Variants in DOCK2 observed in about 807,000 individuals in gnomAD.
DOCK2 encodes dedicator of cytokinesis protein 2.
A neutral mutation model predicts 248.9 loss-of-function variants in DOCK2; 87 were observed. The ratio of observed to expected loss-of-function variants is 0.35; its 90% CI spans 0.29 to 0.42. DOCK2 has a LOEUF of 0.42. DOCK2 is among the 10% of genes least tolerant of loss of function. DOCK2 has a pLI of 1.00. For synonymous variants in DOCK2, 805 were observed against 821.6 expected (o/e 0.98, Z 0.35); for missense variants, 1,747 against 2,300.2 (o/e 0.76, Z 4.92).
At chr5:169,995,942 C>A in intron 29 of DOCK2, 144 bp from the exon 30 acceptor site, 1 of 711,430 alleles carries the variant, frequency 1.4e-6, no homozygotes, top group Non-Finnish European at 2.3e-6. Context: ...AGTTGTTAAT[C>A]TGCATTAGCT....
chr5:169,756,994 C>T (rs1006665898), intron 23 of DOCK2, among the ~76,000 whole-genome samples: 12 of 151,652 alleles, frequency 7.9e-5, no homozygotes, highest in Admixed American at 4.6e-4. Flanking sequence ...TATATGGTAT[C>T]CCTTTAGACT....
At chr5:170,020,234 T>G (rs1273950374) in intron 33 of DOCK2, among the ~76,000 whole-genome samples, 2 of 152,186 alleles carry the variant, frequency 1.3e-5, no homozygotes, top group Middle Eastern at 3.2e-3. Flanking sequence ...TTCGGGCATT[T>G]TTTTTCTTTC....
chr5:169,699,469 A>G lies in DOCK2; in HGVS notation c.1132+11A>G, dbSNP rs751017695. On this transcript the variant is annotated intron_variant, in intron 12 of 51. Transcript: ENST00000520908. ...ACAGTGGAGGGCAAGGTAAAGTGCC[A>G]ATATGCCAGTGGGCTGAGCCTGCTC... 6.2e-7 allele frequency: 1 copy of G among 1,610,188 alleles called. No individual in the cohort carries two copies. Among genetic ancestry groups the G allele is most frequent in the Non-Finnish European group, 8.5e-7 (1 of 1,177,772 alleles).
intron 26 of DOCK2, among the ~76,000 whole-genome samples, chr5:169,804,783 T>G (rs1480973433): frequency 6.6e-6 from 1 of 152,206 alleles, no homozygotes; most frequent in Non-Finnish European, 1.5e-5. Flanking sequence ...GTCAGTCTGA[T>G]TCAGACTCTG....
chr5:169,871,891 G>C (rs748093116), intron 27 of DOCK2, among the ~76,000 whole-genome samples: 1 of 152,156 alleles, frequency 6.6e-6, no homozygotes, highest in Non-Finnish European at 1.5e-5. Context: ...CCCAAAAAAG[G>C]TGCTCTCCTT....
chr5:169,721,692 A>AT (rs1376514464), intron 22 of DOCK2, among the ~76,000 whole-genome samples: 15 of 152,030 alleles, frequency 9.9e-5, no homozygotes, highest in African/African-American at 3.6e-4. Flanking sequence ...CCTTGCCATT[A>AT]TTTTTTGCAC....
chr5:169,842,291 T>A (rs1770027414), intron 27 of DOCK2, among the ~76,000 whole-genome samples: 1 of 152,326 alleles, frequency 6.6e-6, no homozygotes, highest in Non-Finnish European at 1.5e-5. Flanking sequence ...GAGAGCCATG[T>A]AAACTGGTCT....
At chr5:169,714,530 A>T in intron 19 of DOCK2, 73 bp downstream of exon 19, 1 of 1,532,494 alleles carries the variant, frequency 6.5e-7, no homozygotes, top group Non-Finnish European at 9.0e-7. Context: ...CTTCAGGGGA[A>T]AAACAAGGTA....
intron 1 of DOCK2, among the ~76,000 whole-genome samples, chr5:169,640,656 A>G (rs796883506): frequency 1.3e-4 from 20 of 152,310 alleles, no homozygotes; most frequent in African/African-American, 4.6e-4. Flanking sequence ...TATATGGGGA[A>G]TCTAATGGAA....
intron 32 of DOCK2, among the ~76,000 whole-genome samples, chr5:170,015,622 C>T (rs145289195): frequency 8.2e-4 from 124 of 152,146 alleles, no homozygotes; most frequent in African/African-American, 2.9e-3. Flanking sequence ...CAAAGTCCCC[C>T]GGAGGCTTGC....
At chr5:169,679,004 G>A (rs1161817507) in intron 6 of DOCK2, among the ~76,000 whole-genome samples, 4 of 152,088 alleles carry the variant, frequency 2.6e-5, no homozygotes, top group South Asian at 2.1e-4. Flanking sequence ...GTGGACTGGG[G>A]CTGGAACCTT....
chr5:169,980,540 G>C (rs1777904731), intron 27 of DOCK2: 1 of 152,012 alleles, frequency 6.6e-6, no homozygotes, highest in Non-Finnish European at 1.5e-5. Flanking sequence ...GGAGAGGAGA[G>C]ATGGAGCAGA....
At chr5:169,773,541 G>A (rs1561682072) in intron 25 of DOCK2, among the ~76,000 whole-genome samples, 1 of 151,968 alleles carries the variant, frequency 6.6e-6, no homozygotes. Flanking sequence ...TATTCCATGG[G>A]ATTCTTATCT....
Position 169,764,468 on chromosome 5 carries a change from T to A in DOCK2, c.2554+2843T>A, listed in dbSNP as rs1476253827. ...TTTTACATGACTGTGTGACTATGGGTAATTTTCTAAACCTCTCTGATTCTC... is the reference window on the plus strand; with the variant it reads ...TTTTACATGACTGTGTGACTATGGGAAATTTTCTAAACCTCTCTGATTCTC... On this transcript the variant is annotated intron_variant, in intron 25 of 51. Coordinates refer to ENST00000520908, the MANE Select transcript of DOCK2 (RefSeq NM_004946.3). The surrounding 1 kb of genome is among the most constrained non-coding windows in gnomAD (Gnocchi z 4.3). Among the ~76,000 whole-genome samples, 1 of 152,168 alleles carries A rather than the reference T, an allele frequency of 6.6e-6. No individual in the cohort carries two copies. The highest frequency in any genetic ancestry group is 1.5e-5 in the Non-Finnish European group (1 of 68,028).
chr5:169,910,622 G>T (rs941956624), intron 27 of DOCK2, among the ~76,000 whole-genome samples: 7 of 152,290 alleles, frequency 4.6e-5, no homozygotes, highest in South Asian at 2.1e-4. Context: ...GATATGTCAT[G>T]TTCACAGCAG....
intron 26 of DOCK2, among the ~76,000 whole-genome samples, chr5:169,832,080 C>A (rs1468101545): frequency 6.6e-6 from 1 of 152,120 alleles, no homozygotes; most frequent in African/African-American, 2.4e-5. Context: ...TCAGGTTGGG[C>A]CATCTGTGAA....
chr5:170,005,702 TAAA>T (rs1276304849), intron 30 of DOCK2, among the ~76,000 whole-genome samples: 17 of 152,146 alleles, frequency 1.1e-4, no homozygotes, highest in Admixed American at 1.1e-3. Context: ...ATCATACACT[TAAA>T]AAGTGAATTT....
intron 27 of DOCK2, among the ~76,000 whole-genome samples, chr5:169,925,896 G>C (rs1220385044): frequency 1.3e-5 from 2 of 152,156 alleles, no homozygotes; most frequent in Non-Finnish European, 2.9e-5. Flanking sequence ...AGCTGGGCCT[G>C]TTTTAGGTCT....
intron 27 of DOCK2, among the ~76,000 whole-genome samples, chr5:169,932,780 A>G (rs1268851354): frequency 3.3e-5 from 5 of 152,132 alleles, no homozygotes; most frequent in Non-Finnish European, 5.9e-5. Flanking sequence ...ACAAACACTC[A>G]CCTATGCATA....
Sources: allele counts gnomAD v4.1 joint callset (sites outside exome capture counted in the v4.1 genomes callset), GRCh38; gene constraint gnomAD v4.1.1; non-coding constraint Gnocchi (gnomAD v3.1); transcripts MANE v1.5; gene names NCBI Gene and HGNC (gene_info 2026-07-23, HGNC 2026-07-21).